CPNE8: variants seen among roughly 807,000 people sequenced by gnomAD.
CPNE8 encodes copine-8.
In CPNE8, 45 loss-of-function variants were observed where a neutral mutation model predicts 81.5. The observed-to-expected ratio is 0.55, with a 90% CI of 0.44 to 0.71. CPNE8 has a LOEUF of 0.71. Among genes scored for constraint, CPNE8 ranks in the 30% least tolerant of loss-of-function variants. The pLI, the probability that CPNE8 is intolerant of heterozygous loss-of-function variation, is 0.00. For synonymous variants in CPNE8, 252 were observed against 226.3 expected (o/e 1.11, Z -1.02); for missense variants, 594 against 672.1 (o/e 0.88, Z 1.28).
intron 3 of CPNE8, among the ~76,000 whole-genome samples, chr12:38,848,903 T>A (rs1269828199): frequency 6.6e-6 from 1 of 152,118 alleles, no homozygotes; most frequent in African/African-American, 2.4e-5. Context: ...CTTCTCCTTC[T>A]CCTCTCCCTA....
intron 10 of CPNE8, among the ~76,000 whole-genome samples, chr12:38,751,262 G>A (rs1941348057): frequency 6.6e-6 from 1 of 152,092 alleles, no homozygotes; most frequent in Admixed American, 6.5e-5. Context: ...TCTCAGGTAT[G>A]TCTTTGTCAG....
chr12:38,852,074 C>G (rs1943655108), intron 3 of CPNE8, among the ~76,000 whole-genome samples: 2 of 152,294 alleles, frequency 1.3e-5, no homozygotes, highest in Middle Eastern at 3.4e-3. Flanking sequence ...CATTCTTAGT[C>G]TCTCTCATAG....
chr12:38,860,330 T>C (rs937268134), intron 3 of CPNE8, among the ~76,000 whole-genome samples: 4 of 147,846 alleles, frequency 2.7e-5, no homozygotes, highest in Admixed American at 2.1e-4. Flanking sequence ...ATTGGAGAAC[T>C]GTAAATTCAC....
chr12:38,874,302 G>T (rs1475920062), intron 2 of CPNE8, among the ~76,000 whole-genome samples, 169 bp downstream of exon 2: 1 of 152,108 alleles, frequency 6.6e-6, no homozygotes, highest in Non-Finnish European at 1.5e-5. Flanking sequence ...TGCTCAGCAA[G>T]TCCCTCTTTA....
chr12:38,802,099 C>T (rs771416568), intron 6 of CPNE8, among the ~76,000 whole-genome samples: 4 of 28,492 alleles, frequency 1.4e-4, no homozygotes, highest in East Asian at 7.0e-4. Flanking sequence ...GACAGATCAA[C>T]GAGACAGAAG....
chr12:38,833,833 G>C (rs1482405404), intron 5 of CPNE8, among the ~76,000 whole-genome samples: 1 of 152,156 alleles, frequency 6.6e-6, no homozygotes, highest in Non-Finnish European at 1.5e-5. Context: ...ACACAGGGCA[G>C]TCAGGTAAGT....
At chr12:38,683,632 A>C (rs530270317) in intron 16 of CPNE8, among the ~76,000 whole-genome samples, 2 of 152,288 alleles carry the variant, frequency 1.3e-5, no homozygotes, top group East Asian at 3.9e-4. Flanking sequence ...TAAACATAAA[A>C]TTCAAAGATG....
chr12:38,762,297 T>C (rs1373192602), intron 8 of CPNE8, 81 bp from the exon 9 acceptor site: 1 of 687,128 alleles, frequency 1.5e-6, no homozygotes, highest in East Asian at 3.0e-5. Flanking sequence ...TTCCTCTGCT[T>C]ACTTTTTGTT....
chr12:38,678,499 A>G (rs1939340219), intron 16 of CPNE8, among the ~76,000 whole-genome samples: 1 of 151,898 alleles, frequency 6.6e-6, no homozygotes, highest in South Asian at 2.1e-4. Context: ...CTTGATCTGT[A>G]TTTCTAAAAG....
intron 6 of CPNE8, among the ~76,000 whole-genome samples, chr12:38,777,396 A>G (rs903609818): frequency 6.6e-6 from 1 of 152,212 alleles, no homozygotes; most frequent in Non-Finnish European, 1.5e-5. Flanking sequence ...AAAACATTTT[A>G]AAAAGTTTAA....
intron 1 of CPNE8, among the ~76,000 whole-genome samples, chr12:38,889,898 G>A (rs893898685): frequency 6.6e-6 from 1 of 152,136 alleles, no homozygotes; most frequent in African/African-American, 2.4e-5. Context: ...ATGATGGGGA[G>A]GACTTAGTCC....
At chr12:38,674,922 C>A (rs1356886286) in intron 18 of CPNE8, among the ~76,000 whole-genome samples, 1 of 152,160 alleles carries the variant, frequency 6.6e-6, no homozygotes, top group Admixed American at 6.5e-5. Context: ...AAGCCTCAAG[C>A]TAAATAAGCT....
At chr12:38,843,218 C>T (rs1277245156) in intron 4 of CPNE8, among the ~76,000 whole-genome samples, 2 of 152,086 alleles carry the variant, frequency 1.3e-5, no homozygotes, top group Non-Finnish European at 2.9e-5. Context: ...CTTAGGATTA[C>T]GTTTTTGATT....
intron 6 of CPNE8, among the ~76,000 whole-genome samples, chr12:38,791,872 T>C (rs1425793965): frequency 6.6e-6 from 1 of 151,524 alleles, no homozygotes; most frequent in African/African-American, 2.4e-5. Flanking sequence ...AAGCTTGAAA[T>C]CATGCAAAGC....
At chr12:38,857,975 A>G (rs1250810743) in intron 3 of CPNE8, among the ~76,000 whole-genome samples, 2 of 152,240 alleles carry the variant, frequency 1.3e-5, no homozygotes, top group African/African-American at 4.8e-5. Context: ...TATTCAGAGC[A>G]TTTACTTTGG....
At chr12:38,744,043 A>C (rs1941170374) in intron 10 of CPNE8, among the ~76,000 whole-genome samples, 1 of 152,154 alleles carries the variant, frequency 6.6e-6, no homozygotes, top group Admixed American at 6.6e-5. Flanking sequence ...CTCAGGTTGG[A>C]TCTATTATAA....
chr12:38,888,919 T>C (rs1035287895), intron 1 of CPNE8, among the ~76,000 whole-genome samples: 4 of 152,228 alleles, frequency 2.6e-5, no homozygotes, highest in African/African-American at 9.6e-5. Flanking sequence ...TCATATGTGA[T>C]GTGCCTTTCT....
At chr12:38,819,232 G>A (rs1037023038) in intron 6 of CPNE8, among the ~76,000 whole-genome samples, 8 of 152,130 alleles carry the variant, frequency 5.3e-5, no homozygotes, top group African/African-American at 1.7e-4. Context: ...GAATCGTATT[G>A]TCTAGGTTTT....
Position 38,682,338 on chromosome 12 carries a change from G to A in CPNE8, c.1271+3152C>T, listed in dbSNP as rs533619341. Among the ~76,000 whole-genome samples the A allele has an allele frequency of 7.9e-5, 12 of 152,224 alleles. 1 individual carries two copies. Among genetic ancestry groups the A allele is most frequent in the South Asian group, 4.1e-4 (2 of 4,824 alleles). On this transcript the variant is annotated intron_variant, in intron 16 of 19. Transcript: ENST00000331366. Reference sequence around the variant, plus strand: ...TTTGGGAGGCCAAGGCGGGCGGATCGCCTGAGGTCAAGAGTTTGTGACCAG... The same window carrying A: ...TTTGGGAGGCCAAGGCGGGCGGATCACCTGAGGTCAAGAGTTTGTGACCAG...
Sources: allele counts gnomAD v4.1 joint callset (sites outside exome capture counted in the v4.1 genomes callset), GRCh38; gene constraint gnomAD v4.1.1; transcripts MANE v1.5; gene names NCBI Gene and HGNC (gene_info 2026-07-23, HGNC 2026-07-21).